The following SLC25A21 variants were observed in gnomAD, a reference collection of about 807,000 sequenced individuals.
SLC25A21 encodes the protein solute carrier family 25 member 21, also known as mitochondrial 2-oxodicarboxylate carrier.
SLC25A21 carries 47 observed loss-of-function variants against 43.8 expected under a neutral mutation model. The observed-to-expected ratio is 1.07, with a 90% CI of 0.85 to 1.37. SLC25A21 has a LOEUF of 1.37. Among genes scored for constraint, SLC25A21 ranks in the 40% most tolerant of loss-of-function variants. The pLI is 0.00. For synonymous variants in SLC25A21, 131 were observed against 121.3 expected (o/e 1.08, Z -0.52); for missense variants, 352 against 350.2 (o/e 1.00, Z -0.04).
intron 3 of SLC25A21, among the ~76,000 whole-genome samples, chr14:36,782,139 T>C (rs1887087124): frequency 6.6e-6 from 1 of 152,224 alleles, no homozygotes; most frequent in Non-Finnish European, 1.5e-5. Context: ...CAAATCTCTT[T>C]ACTTTTGTAG....
chr14:36,887,576 GGA>G (rs202219323), intron 1 of SLC25A21, among the ~76,000 whole-genome samples: 2 of 135,214 alleles, frequency 1.5e-5, no homozygotes, highest in African/African-American at 5.3e-5. Context: ...AAAAAAAAAA[GGA>G]AAAAAATTGT....
intron 1 of SLC25A21, among the ~76,000 whole-genome samples, chr14:36,905,592 T>C: frequency 6.6e-6 from 1 of 152,198 alleles, no homozygotes; most frequent in East Asian, 1.9e-4. Flanking sequence ...TTATGGCTGC[T>C]ACGACTGTCA....
At chr14:36,974,026 G>GA (rs1253195568) in intron 1 of SLC25A21, among the ~76,000 whole-genome samples, 8 of 151,388 alleles carry the variant, frequency 5.3e-5, no homozygotes, top group Non-Finnish European at 8.8e-5. Context: ...ATATGAGAGG[G>GA]AAAAAAAAGA....
At chr14:37,026,785 G>A (rs1298569819) in intron 1 of SLC25A21, among the ~76,000 whole-genome samples, 1 of 152,120 alleles carries the variant, frequency 6.6e-6, no homozygotes, top group African/African-American at 2.4e-5. Context: ...ATGCAGTTAA[G>A]AAGTGCTGGT....
chr14:36,686,348 C>T (rs1410575320), intron 7 of SLC25A21, among the ~76,000 whole-genome samples: 2 of 152,074 alleles, frequency 1.3e-5, no homozygotes. Flanking sequence ...ATTCCCTCTC[C>T]CCCCATTTTT....
chr14:36,849,970 T>C (rs967774711), intron 2 of SLC25A21, among the ~76,000 whole-genome samples: 3 of 152,128 alleles, frequency 2.0e-5, no homozygotes, highest in East Asian at 3.9e-4. Context: ...GGGGATCAAG[T>C]GAAGGAGGTA....
chr14:36,710,117 G>T (rs531263441), intron 7 of SLC25A21, among the ~76,000 whole-genome samples: 1 of 152,250 alleles, frequency 6.6e-6, no homozygotes, highest in East Asian at 1.9e-4. Flanking sequence ...GGGCGTGGTG[G>T]CTCATGCCTG....
intron 1 of SLC25A21, among the ~76,000 whole-genome samples, chr14:37,011,233 G>C (rs999579377): frequency 2.0e-5 from 3 of 152,050 alleles, no homozygotes; most frequent in Non-Finnish European, 4.4e-5. Context: ...ATGTTGCTGA[G>C]GCTGGTCTCA....
At chr14:37,161,428 T>G (rs942287309) in intron 1 of SLC25A21, among the ~76,000 whole-genome samples, 1 of 152,172 alleles carries the variant, frequency 6.6e-6, no homozygotes, top group African/African-American at 2.4e-5. Flanking sequence ...GCTTGAGATA[T>G]GGACCATAAA....
At chr14:37,022,844 T>C (rs1472390516) in intron 1 of SLC25A21, among the ~76,000 whole-genome samples, 2 of 152,074 alleles carry the variant, frequency 1.3e-5, no homozygotes, top group Non-Finnish European at 2.9e-5. Flanking sequence ...AAATCATTTC[T>C]ACCACACAAT....
chr14:36,929,332 A>G (rs978660623), intron 1 of SLC25A21, among the ~76,000 whole-genome samples: 2 of 152,176 alleles, frequency 1.3e-5, no homozygotes, highest in Non-Finnish European at 2.9e-5. Context: ...AGAAAACTTG[A>G]TTCCCACCTT....
chr14:37,060,690 C>T (rs1961929376), intron 1 of SLC25A21, among the ~76,000 whole-genome samples: 1 of 151,990 alleles, frequency 6.6e-6, no homozygotes, highest in South Asian at 2.1e-4. Context: ...GGCCCACTGC[C>T]CATCTTTGCA....
chr14:36,794,973 T>G (rs1887626152), intron 3 of SLC25A21, among the ~76,000 whole-genome samples: 1 of 152,174 alleles, frequency 6.6e-6, no homozygotes, highest in Non-Finnish European at 1.5e-5. Flanking sequence ...TCATTTGCTA[T>G]GCTTTTACGA....
At chr14:36,827,998 T>G (rs1470277772) in intron 2 of SLC25A21, among the ~76,000 whole-genome samples, 1 of 152,140 alleles carries the variant, frequency 6.6e-6, no homozygotes, top group Admixed American at 6.5e-5. Flanking sequence ...CCTAAATGAG[T>G]GTGGCTTCAT....
chr14:36,684,145 G>C (rs954999752), intron 8 of SLC25A21, among the ~76,000 whole-genome samples: 1 of 152,096 alleles, frequency 6.6e-6, no homozygotes, highest in Non-Finnish European at 1.5e-5. Flanking sequence ...TTTCAAGACA[G>C]GTCTTACTTT....
intron 3 of SLC25A21, among the ~76,000 whole-genome samples, chr14:36,794,858 G>T (rs951714924): frequency 6.7e-6 from 1 of 149,382 alleles, no homozygotes; most frequent in African/African-American, 2.5e-5. Context: ...GGGCATATAT[G>T]AAATTGATTC....
At position 37,098,790 on chromosome 14, in the gene SLC25A21, TAGA is replaced by T. The variant is rs1566880448; in HGVS notation, c.70+73488_70+73490del. 1.8e-4 allele frequency among the ~76,000 whole-genome samples: 20 copies of T among 113,202 alleles called. 2 individuals are homozygous for T. The East Asian group carries it at 3.3e-3, about 18-fold the overall frequency. 74.3% of individuals were successfully genotyped at this position (113,202 alleles called of 152,430 possible). On this transcript the variant is annotated intron_variant, in intron 1 of 9. Transcript: ENST00000331299. ...ACAGACAGACAGACAGACAGACAGA[TAGA>T]TAGATAGATAGATTTTTTTTTTTTT...
At chr14:36,826,418 C>T (rs1296114353) in intron 2 of SLC25A21, among the ~76,000 whole-genome samples, 2 of 152,162 alleles carry the variant, frequency 1.3e-5, no homozygotes, top group Admixed American at 6.5e-5. Context: ...TTTTCCTATG[C>T]AGTGAGGTCT....
At chr14:36,991,510 T>C (rs1960262801) in intron 1 of SLC25A21, among the ~76,000 whole-genome samples, 1 of 152,162 alleles carries the variant, frequency 6.6e-6, no homozygotes, top group Non-Finnish European at 1.5e-5. Flanking sequence ...TATCCTCTAG[T>C]AATAAAAGGA....
Sources: allele counts gnomAD v4.1 joint callset (sites outside exome capture counted in the v4.1 genomes callset), GRCh38; gene constraint gnomAD v4.1.1; transcripts MANE v1.5; gene names NCBI Gene and HGNC (gene_info 2026-07-23, HGNC 2026-07-21).